The following PCDHA8 variants were observed in gnomAD, a reference collection of about 807,000 sequenced individuals.
The protein encoded by PCDHA8 is protocadherin alpha-8.
In PCDHA8, 53 loss-of-function variants were observed where a neutral mutation model predicts 61.8. The observed-to-expected ratio is 0.86, with a 90% CI of 0.69 to 1.08. The LOEUF is 1.08. PCDHA8 is among the 50% of genes least tolerant of loss of function. PCDHA8 has a pLI of 0.00. For missense variants in PCDHA8, 1,293 were observed against 1,245.0 expected, an observed-to-expected ratio of 1.04 and a Z score of -0.58; for synonymous variants, 618 against 556.6, an observed-to-expected ratio of 1.11 and a Z score of -1.55.
intron 1 of PCDHA8, chr5:140,870,955 C>A (rs782342308): frequency 1.9e-6 from 3 of 1,613,632 alleles, no homozygotes; most frequent in Non-Finnish European, 2.5e-6. Flanking sequence ...GGGCGGCTCG[C>A]GCATCCCGTT....
intron 1 of PCDHA8, among the ~76,000 whole-genome samples, chr5:140,846,696 G>A (rs1487069290): frequency 1.3e-5 from 2 of 149,188 alleles, no homozygotes; most frequent in African/African-American, 2.5e-5. Context: ...TTAGCAAGTA[G>A]AGAAGATTGT....
At chr5:140,946,345 G>A (rs1292610586) in intron 1 of PCDHA8, among the ~76,000 whole-genome samples, 1 of 151,836 alleles carries the variant, frequency 6.6e-6, no homozygotes, top group Non-Finnish European at 1.5e-5. Flanking sequence ...GTGATGGAGA[G>A]GATGTGGAGA....
At chr5:140,907,411 GA>G (rs1435126945) in intron 1 of PCDHA8, among the ~76,000 whole-genome samples, 1 of 152,192 alleles carries the variant, frequency 6.6e-6, no homozygotes, top group Non-Finnish European at 1.5e-5. Flanking sequence ...GGAATACCAC[GA>G]TGGTGGATAA....
chr5:140,851,840 T>G, intron 1 of PCDHA8: 1 of 970,530 alleles, frequency 1.0e-6, no homozygotes, highest in South Asian at 4.8e-5. Context: ...TAAAAATATC[T>G]TTTTCTCCTC....
At chr5:140,909,961 A>G (rs1407330494) in intron 1 of PCDHA8, among the ~76,000 whole-genome samples, 2 of 152,206 alleles carry the variant, frequency 1.3e-5, no homozygotes, top group Non-Finnish European at 2.9e-5. Flanking sequence ...GTAGGTCTCC[A>G]TGGGGAAGGA....
chr5:140,937,492 C>T (rs1390017602), intron 1 of PCDHA8, among the ~76,000 whole-genome samples: 1 of 152,054 alleles, frequency 6.6e-6, no homozygotes, highest in African/African-American at 2.4e-5. Context: ...TGGCACATAC[C>T]CGTAATCCCA....
At chr5:140,972,296 T>C (rs1303430452) in intron 1 of PCDHA8, among the ~76,000 whole-genome samples, 2 of 151,468 alleles carry the variant, frequency 1.3e-5, no homozygotes, top group Non-Finnish European at 2.9e-5. Flanking sequence ...TGCGCCACCG[T>C]GTCTGACTAG....
chr5:140,910,924 A>G (rs568597600), intron 1 of PCDHA8, among the ~76,000 whole-genome samples: 2 of 152,260 alleles, frequency 1.3e-5, no homozygotes, highest in South Asian at 4.1e-4. Flanking sequence ...GCTTATATAA[A>G]TAAGAAAGCT....
chr5:140,919,982 G>A (rs2079388824), intron 1 of PCDHA8, among the ~76,000 whole-genome samples: 2 of 151,998 alleles, frequency 1.3e-5, no homozygotes, highest in Admixed American at 6.5e-5. Context: ...GATAGAAGAT[G>A]GAAAACAGAC....
Position 141,009,783 on chromosome 5 carries a change from G to C in PCDHA8, c.2699G>C (p.Arg900Pro). The part of the protein sequence containing the change: ...IPGSPAIISI[R>P]QEPTNSQIDK... The stretch of plus-strand genomic sequence containing the variant: ...GGATCTCCTGCAATCATCTCCATCC[G>C]GCAGGAGCCTACTAACAGCCAAATT... Residue 900 changes from arginine (R) to proline (P), a missense_variant, in exon 4 of 4, where the codon CGG (arginine) becomes CCG (proline). Arg to Pro is a moderately radical substitution (Grantham distance 103). Coordinates refer to ENST00000531613, the MANE Select transcript of PCDHA8 (RefSeq NM_018911.3). 2 of 1,614,000 alleles carry C rather than the reference G, an allele frequency of 1.2e-6. No homozygotes were observed. The highest frequency in any genetic ancestry group is 1.7e-6 in the Non-Finnish European group (2 of 1,180,008).
chr5:140,928,814 A>G, intron 1 of PCDHA8: 1 of 1,614,150 alleles, frequency 6.2e-7, no homozygotes, highest in East Asian at 2.2e-5. Context: ...GTTCGGGACC[A>G]TGGAGACCCA....
At chr5:140,905,211 G>T (rs1554191947) in intron 1 of PCDHA8, among the ~76,000 whole-genome samples, 1 of 152,130 alleles carries the variant, frequency 6.6e-6, no homozygotes, top group South Asian at 2.1e-4. Context: ...GTTGATTTTT[G>T]TGTAAGGTGA....
At chr5:140,999,004 A>T (rs2097842745) in intron 3 of PCDHA8, among the ~76,000 whole-genome samples, 1 of 152,258 alleles carries the variant, frequency 6.6e-6, no homozygotes, top group South Asian at 2.1e-4. Flanking sequence ...GCTGGAGCTG[A>T]GATTTGAACC....
At chr5:140,983,340 A>G (rs148799902) in intron 3 of PCDHA8, among the ~76,000 whole-genome samples, 114 of 152,358 alleles carry the variant, frequency 7.5e-4, no homozygotes, top group African/African-American at 2.2e-3. Flanking sequence ...TCACTAAAGC[A>G]GGGTCATGTA....
intron 1 of PCDHA8, among the ~76,000 whole-genome samples, chr5:140,886,964 A>T (rs2061244320): frequency 6.6e-6 from 1 of 152,114 alleles, no homozygotes; most frequent in Admixed American, 6.5e-5. Context: ...TTAGCAACGA[A>T]ATTTATTATT....
rs17844361 is a variant in PCDHA8, at chr5:140,927,747, C to T, written c.2395-51202C>T. ...AAGCAGAGCTGCGACACCGCTTTCA[C>T]GTGCACCCTAAAAGTGGGGAGGTGC... On this transcript the variant is annotated intron_variant, in intron 1 of 3. Coordinates refer to ENST00000531613, the MANE Select transcript of PCDHA8 (RefSeq NM_018911.3). 465 of 1,614,224 alleles carry T rather than the reference C, an allele frequency of 2.9e-4. No homozygotes were observed. In the East Asian group the frequency reaches 8.6e-3, roughly 30 times the overall value.
chr5:140,872,373 T>C (rs1437548177), intron 1 of PCDHA8, among the ~76,000 whole-genome samples: 3 of 152,182 alleles, frequency 2.0e-5, no homozygotes, highest in African/African-American at 4.8e-5. Flanking sequence ...AGGCCTGTAA[T>C]CCCAGCTATT....
chr5:140,847,915 T>C (rs1166954389), intron 1 of PCDHA8: 1 of 150,482 alleles, frequency 6.6e-6, no homozygotes, highest in Non-Finnish European at 1.5e-5. Flanking sequence ...TGGGCTCCTA[T>C]ATTCACTAGA....
At chr5:140,880,731 GAA>G (rs2058452770) in intron 1 of PCDHA8, among the ~76,000 whole-genome samples, 1 of 152,216 alleles carries the variant, frequency 6.6e-6, no homozygotes, top group Non-Finnish European at 1.5e-5. Flanking sequence ...GAAGCATAGA[GAA>G]AATGGATTGT....
Sources: allele counts gnomAD v4.1 joint callset (sites outside exome capture counted in the v4.1 genomes callset), GRCh38; gene constraint gnomAD v4.1.1; transcripts MANE v1.5; gene names NCBI Gene and HGNC (gene_info 2026-07-23, HGNC 2026-07-21).